ADGRL3: variants seen among roughly 807,000 people sequenced by gnomAD.
The protein encoded by ADGRL3 is calcium-independent alpha-latrotoxin receptor 3.
ADGRL3 carries 62 observed loss-of-function variants against 153.5 expected under a neutral mutation model. That is an observed-to-expected ratio of 0.40 (90% CI 0.33 to 0.50). The LOEUF (loss-of-function observed/expected upper bound fraction) is 0.50. Ranked by LOEUF, ADGRL3 falls within the 20% of genes least tolerant of loss-of-function variation. The pLI is 0.47. For synonymous variants in ADGRL3, 710 were observed against 672.5 expected, an observed-to-expected ratio of 1.06 and a Z score of -0.86; for missense variants, 1,641 against 1,859.4, an observed-to-expected ratio of 0.88 and a Z score of 2.16.
At chr4:61,698,853 A>T (rs1454957240) in intron 6 of ADGRL3, among the ~76,000 whole-genome samples, 1 of 152,176 alleles carries the variant, frequency 6.6e-6, no homozygotes, top group Admixed American at 6.5e-5. Context: ...TCTTAACGCT[A>T]TGGGTGGTAT....
In ADGRL3 at chr4:62,071,309, T is replaced by A. The variant is rs1251472246; in HGVS notation, c.*401T>A. ...AACAATTGTCTGAAATTAGTAACAA[T>A]GCTGCATCTAGATTGGAGTGCTGCA... On this transcript the variant is annotated 3_prime_UTR_variant, in exon 27 of 27. Coordinates refer to ENST00000683033, the MANE Select transcript of ADGRL3 (RefSeq NM_001387552.1). 62 of 175,858 alleles carry A rather than the reference T, an allele frequency of 3.5e-4. No homozygotes were observed. Among genetic ancestry groups the A allele is most frequent in the Non-Finnish European group, 1.1e-4 (9 of 81,522 alleles). 10.9% of individuals were successfully genotyped at this position (175,858 alleles called of 1,614,324 possible).
intron 4 of ADGRL3, among the ~76,000 whole-genome samples, chr4:61,566,928 C>T (rs1357215211): frequency 6.6e-6 from 1 of 152,104 alleles, no homozygotes; most frequent in Non-Finnish European, 1.5e-5. Flanking sequence ...ATTGTCTCAT[C>T]AATTACCCAT....
intron 1 of ADGRL3, among the ~76,000 whole-genome samples, chr4:61,363,337 TA>T (rs1303428023): frequency 1.5e-5 from 2 of 131,306 alleles, no homozygotes; most frequent in African/African-American, 2.6e-5. Context: ...TAAAAGCCGG[TA>T]ATTTTTTTTT....
intron 1 of ADGRL3, among the ~76,000 whole-genome samples, chr4:61,245,099 CCTT>C (rs2149368453): frequency 6.6e-6 from 1 of 152,054 alleles, no homozygotes; most frequent in Admixed American, 6.6e-5. Flanking sequence ...ATTCTTGTTT[CCTT>C]CTTGTCCTCT....
At chr4:61,799,817 A>T (rs1488856367) in intron 8 of ADGRL3, among the ~76,000 whole-genome samples, 1 of 152,196 alleles carries the variant, frequency 6.6e-6, no homozygotes, top group Non-Finnish European at 1.5e-5. Flanking sequence ...GATGATGACA[A>T]TAGTTCAACA....
intron 5 of ADGRL3, among the ~76,000 whole-genome samples, chr4:61,617,038 A>G (rs2092080610): frequency 1.3e-5 from 2 of 152,128 alleles, no homozygotes; most frequent in Non-Finnish European, 2.9e-5. Flanking sequence ...AATTTTTTAT[A>G]TTTGTGGTAC....
At chr4:62,037,665 T>A in intron 23 of ADGRL3, 66 bp from the exon 24 acceptor site, 1 of 1,539,498 alleles carries the variant, frequency 6.5e-7, no homozygotes, top group Non-Finnish European at 9.0e-7. Flanking sequence ...CTCACATACA[T>A]TGTCTACTTT....
chr4:61,610,167 A>G (rs2099047644), intron 5 of ADGRL3, among the ~76,000 whole-genome samples: 1 of 150,116 alleles, frequency 6.7e-6, no homozygotes, highest in South Asian at 2.1e-4. Flanking sequence ...ACTTCTTATA[A>G]AAGAGCCTGA....
chr4:61,963,357 T>C (rs1459741041), intron 17 of ADGRL3, among the ~76,000 whole-genome samples: 16 of 152,036 alleles, frequency 1.1e-4, no homozygotes. Flanking sequence ...GATAATTTTG[T>C]CATCCAGATA....
chr4:61,808,443 C>T (rs926406211), intron 8 of ADGRL3, among the ~76,000 whole-genome samples: 3 of 152,080 alleles, frequency 2.0e-5, no homozygotes, highest in African/African-American at 2.4e-5. Flanking sequence ...AGTTGTTTCT[C>T]TGCTACCTCA....
At chr4:61,359,345 T>G (rs1246723581) in intron 1 of ADGRL3, among the ~76,000 whole-genome samples, 1 of 152,222 alleles carries the variant, frequency 6.6e-6, no homozygotes, top group East Asian at 1.9e-4. Flanking sequence ...AGTGGGTTTC[T>G]GCTCATGAAA....
chr4:61,241,391 G>T (rs1754900292), intron 1 of ADGRL3, among the ~76,000 whole-genome samples: 1 of 151,904 alleles, frequency 6.6e-6, no homozygotes, highest in Non-Finnish European at 1.5e-5. Context: ...GACTTTATCA[G>T]GAAATTGGGC....
intron 1 of ADGRL3, among the ~76,000 whole-genome samples, chr4:61,218,740 T>A (rs1475555084): frequency 6.6e-6 from 1 of 152,260 alleles, no homozygotes; most frequent in Admixed American, 6.5e-5. Flanking sequence ...GAACCTCCTG[T>A]TTCAAGGCTT....
intron 21 of ADGRL3, among the ~76,000 whole-genome samples, chr4:62,002,571 A>C (rs2099144224): frequency 6.6e-6 from 1 of 151,980 alleles, no homozygotes; most frequent in Non-Finnish European, 1.5e-5. Context: ...AATAATAAAA[A>C]ATAGAGTGAA....
At chr4:61,921,432 T>C (rs2098768707) in intron 13 of ADGRL3, among the ~76,000 whole-genome samples, 1 of 152,132 alleles carries the variant, frequency 6.6e-6, no homozygotes, top group South Asian at 2.1e-4. Context: ...AGCTTTTTTG[T>C]TGTTGTTGAG....
intron 2 of ADGRL3, among the ~76,000 whole-genome samples, chr4:61,490,456 C>T (rs992192614): frequency 5.3e-5 from 8 of 151,960 alleles, no homozygotes; most frequent in Non-Finnish European, 1.0e-4. Flanking sequence ...AAACACAGTG[C>T]ATACTTGTAA....
At chr4:61,240,214 A>AG (rs1163921169) in intron 1 of ADGRL3, among the ~76,000 whole-genome samples, 2 of 152,018 alleles carry the variant, frequency 1.3e-5, no homozygotes, top group Non-Finnish European at 1.5e-5. Flanking sequence ...GGAAAGTGGA[A>AG]GGGCAAAAAG....
intron 4 of ADGRL3, among the ~76,000 whole-genome samples, chr4:61,531,323 T>C (rs1054957465): frequency 6.6e-6 from 1 of 152,194 alleles, no homozygotes; most frequent in Non-Finnish European, 1.5e-5. Context: ...ACTTGCATTA[T>C]ACTAACAGGC....
At chr4:61,792,540 A>T (rs1192478684) in intron 8 of ADGRL3, among the ~76,000 whole-genome samples, 1 of 150,888 alleles carries the variant, frequency 6.6e-6, no homozygotes, top group Non-Finnish European at 1.5e-5. Context: ...ACCAGGCTAG[A>T]GTGCAGTGGC....
Sources: allele counts gnomAD v4.1 joint callset (sites outside exome capture counted in the v4.1 genomes callset), GRCh38; gene constraint gnomAD v4.1.1; transcripts MANE v1.5; gene names NCBI Gene and HGNC (gene_info 2026-07-23, HGNC 2026-07-21).